FHIT: variants seen among roughly 807,000 people sequenced by gnomAD.
FHIT encodes the protein bis(5'-adenosyl)-triphosphatase.
In FHIT, 19 loss-of-function variants were observed where a neutral mutation model predicts 17.9. The observed-to-expected ratio is 1.06, with a 90% CI of 0.74 to 1.56. The LOEUF is 1.56. FHIT is among the 40% of genes most tolerant of loss of function. FHIT has a pLI of 0.00. For missense variants in FHIT, 248 were observed against 189.2 expected (o/e 1.31, Z -1.82); for synonymous variants, 81 against 69.7 (o/e 1.16, Z -0.81).
intron 5 of FHIT, among the ~76,000 whole-genome samples, chr3:60,248,367 A>G (rs1193380471): frequency 6.6e-6 from 1 of 152,158 alleles, no homozygotes; most frequent in Non-Finnish European, 1.5e-5. Flanking sequence ...TGAAATAAGA[A>G]GCATTTACCT....
At chr3:60,628,742 G>T in intron 4 of FHIT, among the ~76,000 whole-genome samples, 1 of 152,078 alleles carries the variant, frequency 6.6e-6, no homozygotes. Context: ...TATTGCTTTG[G>T]ACAATGACCT....
At chr3:60,689,627 C>T (rs545503893) in intron 4 of FHIT, among the ~76,000 whole-genome samples, 6 of 152,220 alleles carry the variant, frequency 3.9e-5, no homozygotes, top group African/African-American at 1.4e-4. Flanking sequence ...GTCATGCATC[C>T]TACTTTTGTT....
At chr3:60,906,570 T>G (rs782544835) in intron 3 of FHIT, among the ~76,000 whole-genome samples, 1 of 151,984 alleles carries the variant, frequency 6.6e-6, no homozygotes, top group African/African-American at 2.4e-5. Context: ...GTAGGGAAAA[T>G]GTAAGGTAAG....
intron 4 of FHIT, chr3:60,537,397 T>A: frequency 1.2e-6 from 1 of 802,184 alleles, no homozygotes; most frequent in Non-Finnish European, 1.5e-6. Context: ...CTTAAATGCT[T>A]CTCTCAAATG....
chr3:60,018,732 C>A lies in FHIT; in HGVS notation c.104-4580G>T, dbSNP rs1033864489. ...GTGGCTCACGCCTGTAATCCCAGCACTTTGGGAGGCCAAAGCGCGCGAATC... is the reference window on the plus strand; with the variant it reads ...GTGGCTCACGCCTGTAATCCCAGCAATTTGGGAGGCCAAAGCGCGCGAATC... On this transcript the variant is annotated intron_variant, in intron 5 of 9. Coordinates refer to ENST00000492590, the MANE Select transcript of FHIT (RefSeq NM_002012.4). Among the ~76,000 whole-genome samples, 10 of 152,202 alleles carry A rather than the reference C, an allele frequency of 6.6e-5. No individual in the cohort carries two copies. In the South Asian group the frequency reaches 1.4e-3, roughly 22 times the overall value.
chr3:60,155,948 C>T (rs1317278644), intron 5 of FHIT, among the ~76,000 whole-genome samples: 2 of 152,168 alleles, frequency 1.3e-5, no homozygotes, highest in African/African-American at 4.8e-5. Context: ...CACACTTCTC[C>T]TTCTAAAGTA....
At chr3:60,039,172 G>A (rs932269440) in intron 5 of FHIT, among the ~76,000 whole-genome samples, 1 of 152,158 alleles carries the variant, frequency 6.6e-6, no homozygotes, top group African/African-American at 2.4e-5. Context: ...TGGCTTCAAG[G>A]TAGCCAGACT....
intron 4 of FHIT, among the ~76,000 whole-genome samples, chr3:60,631,227 T>C (rs1250170761): frequency 6.6e-6 from 1 of 152,186 alleles, no homozygotes; most frequent in Admixed American, 6.5e-5. Context: ...AGGAAGGATT[T>C]ACAGCTGTGA....
intron 4 of FHIT, among the ~76,000 whole-genome samples, chr3:60,606,212 T>G (rs2038603590): frequency 6.6e-6 from 1 of 152,000 alleles, no homozygotes. Flanking sequence ...TCAGTTTTGG[T>G]TCCTCAGTCC....
At chr3:60,120,439 T>C (rs780444174) in intron 5 of FHIT, among the ~76,000 whole-genome samples, 11 of 152,216 alleles carry the variant, frequency 7.2e-5, no homozygotes, top group Admixed American at 1.3e-4. Context: ...TTTATTAGGT[T>C]TCACCATGGA....
intron 8 of FHIT, among the ~76,000 whole-genome samples, chr3:59,758,093 G>A (rs73092694): frequency 0.13 from 19,937 of 152,176 alleles, 1,536 homozygotes; most frequent in African/African-American, 0.19. Flanking sequence ...TGGGGCAGGG[G>A]GAGACAAAAT....
chr3:60,610,765 C>G (rs1435380326), intron 4 of FHIT, among the ~76,000 whole-genome samples: 1 of 152,188 alleles, frequency 6.6e-6, no homozygotes, highest in African/African-American at 2.4e-5. Flanking sequence ...ACTGGAAGCT[C>G]TCTTTTGCTC....
At position 60,218,427 on chromosome 3, in the gene FHIT, C is replaced by G. The variant is rs865948369; in HGVS notation, c.104-204275G>C. ...CATAAGCAATGTGTCAATTATAAAA[C>G]AGTTGATAAGAAAGTTCAACTTGCC... On this transcript the variant is annotated intron_variant, in intron 5 of 9. Transcript: ENST00000492590. Among the ~76,000 whole-genome samples, 17 of 152,224 alleles carry G rather than the reference C, an allele frequency of 1.1e-4. No homozygotes were observed. In the South Asian group the frequency reaches 1.7e-3, roughly 15 times the overall value.
intron 2 of FHIT, among the ~76,000 whole-genome samples, chr3:61,054,374 GA>G (rs1218417951): frequency 2.0e-5 from 3 of 149,610 alleles, no homozygotes; most frequent in Non-Finnish European, 3.0e-5. Flanking sequence ...TTTTTTTCCA[GA>G]AAAAAAGGCA....
At chr3:61,051,894 C>T (rs2034042310) in intron 2 of FHIT, among the ~76,000 whole-genome samples, 1 of 152,166 alleles carries the variant, frequency 6.6e-6, no homozygotes, top group Admixed American at 6.5e-5. Context: ...CACATCTGTT[C>T]CCTGGAGCTG....
chr3:60,229,271 G>T (rs1188184781), intron 5 of FHIT, among the ~76,000 whole-genome samples: 1 of 152,006 alleles, frequency 6.6e-6, no homozygotes, highest in Admixed American at 6.6e-5. Context: ...ACAAAAATTA[G>T]CCAGGTGTGG....
chr3:59,791,485 G>A lies in FHIT; in HGVS notation c.349-39164C>T, dbSNP rs147182878. Among the ~76,000 whole-genome samples the A allele has an allele frequency of 3.7e-4, 56 of 152,218 alleles. No individual in the cohort carries two copies. The East Asian group carries it at 4.3e-3, about 12-fold the overall frequency. On this transcript the variant is annotated intron_variant, in intron 8 of 9. Coordinates refer to ENST00000492590, the MANE Select transcript of FHIT (RefSeq NM_002012.4). The stretch of plus-strand genomic sequence containing the variant: ...ATTGCTTGTGCCCCTGGATCCAGCC[G>A]CGCCTGAATCAACAATACTATTAGA...
At chr3:59,796,359 C>T (rs777874717) in intron 8 of FHIT, among the ~76,000 whole-genome samples, 13 of 152,128 alleles carry the variant, frequency 8.5e-5, no homozygotes, top group Non-Finnish European at 1.8e-4. Flanking sequence ...GGCTTCCTTT[C>T]CTCTTTAAGG....
chr3:60,535,264 C>A lies in FHIT; in HGVS notation c.103+1596G>T, dbSNP rs143307247. On this transcript the variant is annotated intron_variant, in intron 5 of 9. Coordinates refer to ENST00000492590, the MANE Select transcript of FHIT (RefSeq NM_002012.4). ...AAAAAAAAGTGGTACATCTCTGTGACCTCTAATTTTCATAGGAATGAGAGT... is the reference window on the plus strand; with the variant it reads ...AAAAAAAAGTGGTACATCTCTGTGAACTCTAATTTTCATAGGAATGAGAGT... 3.2e-4 allele frequency among the ~76,000 whole-genome samples: 49 copies of A among 152,182 alleles called. No individual in the cohort carries two copies. The East Asian group carries it at 8.3e-3, about 26-fold the overall frequency.
Sources: allele counts gnomAD v4.1 joint callset (sites outside exome capture counted in the v4.1 genomes callset), GRCh38; gene constraint gnomAD v4.1.1; transcripts MANE v1.5; gene names NCBI Gene and HGNC (gene_info 2026-07-23, HGNC 2026-07-21).